The following NUP98 variants were observed in gnomAD, a reference collection of about 807,000 sequenced individuals.
The protein encoded by NUP98 is nucleoporin 98 and 96 precursor, also known as nuclear pore complex protein Nup98-Nup96.
In NUP98, 26 loss-of-function variants were observed where a neutral mutation model predicts 191.9. The observed-to-expected ratio is 0.14, with a 90% confidence interval of 0.10 to 0.19. The LOEUF (loss-of-function observed/expected upper bound fraction) is 0.19. NUP98 is among the 10% of genes least tolerant of loss of function. The probability of loss-of-function intolerance (pLI) is 1.00; values close to 1 mark genes in which losing one functional copy is unlikely to be tolerated. For synonymous variants in NUP98, 808 were observed against 778.4 expected, an observed-to-expected ratio of 1.04 and a Z score of -0.63; for missense variants, 1,941 against 2,178.8, an observed-to-expected ratio of 0.89 and a Z score of 2.17.
chr11:3,694,398 C>T (rs376830986), intron 26 of NUP98, among the ~76,000 whole-genome samples: 16 of 150,760 alleles, frequency 1.1e-4, no homozygotes, highest in Admixed American at 2.7e-4. Flanking sequence ...ACAAAAATAA[C>T]GCTTCATGAC....
intron 10 of NUP98, among the ~76,000 whole-genome samples, chr11:3,755,742 A>T (rs2080938174): frequency 6.6e-6 from 1 of 152,192 alleles, no homozygotes. Flanking sequence ...AGGCAGGTGG[A>T]TCACAAGGTC....
intron 22 of NUP98, among the ~76,000 whole-genome samples, chr11:3,704,219 C>CA (rs539971010): frequency 1.5e-3 from 221 of 152,230 alleles, no homozygotes; most frequent in South Asian, 2.3e-3. Context: ...TAAGGGAACT[C>CA]AAAAGAATTG....
At position 3,676,207 on chromosome 11, in the gene NUP98, G is replaced by A; in HGVS notation, c.5355C>T (p.Arg1785=). 1 of 1,614,190 alleles carries A rather than the reference G, an allele frequency of 6.2e-7. No individual in the cohort carries two copies. Among genetic ancestry groups the A allele is most frequent in the Non-Finnish European group, 8.5e-7 (1 of 1,180,038 alleles). ...CTCGCAGATAGGACTGGGTAAGGCT[G>A]CGCAGTTCGTCCATGGCATAGTCCT... is the stretch of plus-strand genomic sequence containing the variant. ...MPEDYAMDEL[R]SLTQSYLREL... is the part of the protein sequence containing the mutation. The change falls in exon 33 of 33, where the codon CGC becomes CGT. Residue 1785 remains arginine (R), a synonymous_variant. Coordinates refer to ENST00000324932, the MANE Select transcript of NUP98 (RefSeq NM_016320.5).
intron 14 of NUP98, among the ~76,000 whole-genome samples, chr11:3,728,640 G>A (rs1412941833): frequency 6.6e-6 from 1 of 152,158 alleles, no homozygotes; most frequent in Non-Finnish European, 1.5e-5. Context: ...TTGGGAGTCT[G>A]AAGCAGGAGA....
At chr11:3,691,312 C>A (rs1275616090) in intron 28 of NUP98, 35 bp downstream of exon 28, 1 of 1,613,224 alleles carries the variant, frequency 6.2e-7, no homozygotes. Flanking sequence ...GCTCATGGAG[C>A]ACTCAAGTGA....
chr11:3,727,035 T>C (rs1221849530), intron 14 of NUP98, among the ~76,000 whole-genome samples: 1 of 152,168 alleles, frequency 6.6e-6, no homozygotes, highest in East Asian at 1.9e-4. Context: ...AGTGCTGAGA[T>C]TACAGATGTG....
chr11:3,711,335 C>A (rs895836719), intron 20 of NUP98, among the ~76,000 whole-genome samples: 5 of 152,136 alleles, frequency 3.3e-5, no homozygotes, highest in African/African-American at 1.2e-4. Context: ...TTTCAAAGAG[C>A]TCTCACAAAC....
In NUP98 at chr11:3,720,755, T is replaced by C. The variant is rs2079358229; in HGVS notation, c.2217A>G (p.Glu739=). The change falls in exon 17 of 33, where the codon GAA becomes GAG. Residue 739 remains glutamate, a synonymous_variant. Transcript: ENST00000324932. ...SMDDLAKITN[E]KGECIVSDFT... Reference sequence around the variant, plus strand: ...AATCAGAGACAATGCACTCTCCTTTTTCATTGGTAATTTTAGCAAGGTCAT... The same window carrying C: ...AATCAGAGACAATGCACTCTCCTTTCTCATTGGTAATTTTAGCAAGGTCAT... 7 of 1,604,606 alleles carry C rather than the reference T, an allele frequency of 4.4e-6. No individual in the cohort carries two copies. Among genetic ancestry groups the C allele is most frequent in the Middle Eastern group, 1.7e-4 (1 of 6,042 alleles).
intron 10 of NUP98, among the ~76,000 whole-genome samples, chr11:3,757,651 T>A (rs1223425657): frequency 6.6e-6 from 1 of 150,990 alleles, no homozygotes; most frequent in Non-Finnish European, 1.5e-5. Context: ...ATACAAAAAT[T>A]AGCTGGGCGT....
At chr11:3,795,647 T>G (rs2082504178) in intron 1 of NUP98, among the ~76,000 whole-genome samples, 2 of 151,934 alleles carry the variant, frequency 1.3e-5, no homozygotes, top group Admixed American at 1.3e-4. Flanking sequence ...ACAACAAAGA[T>G]AAGATGAAAA....
chr11:3,796,814 T>TCA (rs2082631116), intron 1 of NUP98, among the ~76,000 whole-genome samples: 1 of 152,224 alleles, frequency 6.6e-6, no homozygotes, highest in East Asian at 1.9e-4. Flanking sequence ...TCCTTATGGC[T>TCA]ATAGTAATCC....
intron 4 of NUP98, among the ~76,000 whole-genome samples, chr11:3,776,905 G>C (rs758250999): frequency 6.6e-6 from 1 of 152,114 alleles, no homozygotes; most frequent in Non-Finnish European, 1.5e-5. Context: ...GGTCACACTT[G>C]GAAGACAACT....
intron 18 of NUP98, among the ~76,000 whole-genome samples, chr11:3,717,828 TATG>T (rs948259980): frequency 2.0e-5 from 3 of 151,956 alleles, no homozygotes; most frequent in East Asian, 1.9e-4. Context: ...TTTTCTGTAT[TATG>T]ATGATGATGA....
intron 4 of NUP98, among the ~76,000 whole-genome samples, chr11:3,778,217 A>AAG: frequency 6.6e-6 from 1 of 150,582 alleles, no homozygotes; most frequent in African/African-American, 2.5e-5. Flanking sequence ...AAAAAAAAAA[A>AAG]AAAGAAAGAA....
At chr11:3,747,485 T>G (rs1044190685) in intron 11 of NUP98, among the ~76,000 whole-genome samples, 1 of 152,156 alleles carries the variant, frequency 6.6e-6, no homozygotes, top group Non-Finnish European at 1.5e-5. Flanking sequence ...GATGTTAATA[T>G]CACTATAAAA....
chr11:3,729,904 A>C (rs551290959), intron 14 of NUP98, among the ~76,000 whole-genome samples: 1 of 151,984 alleles, frequency 6.6e-6, no homozygotes, highest in African/African-American at 2.4e-5. Context: ...TGACTGGACT[A>C]CTGTAAACCT....
intron 29 of NUP98, among the ~76,000 whole-genome samples, chr11:3,685,205 C>T (rs1257902842): frequency 6.7e-6 from 1 of 149,390 alleles, no homozygotes; most frequent in Non-Finnish European, 1.5e-5. Context: ...CTATCATTAA[C>T]AAAAATCTCC....
chr11:3,759,289 T>C (rs777435100), intron 10 of NUP98, among the ~76,000 whole-genome samples: 11 of 152,148 alleles, frequency 7.2e-5, no homozygotes, highest in Admixed American at 4.6e-4. Flanking sequence ...CATAATTAGG[T>C]AGTTATAAGA....
At chr11:3,708,710 A>C (rs1046242205) in intron 20 of NUP98, among the ~76,000 whole-genome samples, 17 of 151,966 alleles carry the variant, frequency 1.1e-4, no homozygotes, top group African/African-American at 3.4e-4. Context: ...CAGTCCTGAA[A>C]AAAAAGGTGT....
Sources: allele counts gnomAD v4.1 joint callset (sites outside exome capture counted in the v4.1 genomes callset), GRCh38; gene constraint gnomAD v4.1.1; transcripts MANE v1.5; gene names NCBI Gene and HGNC (gene_info 2026-07-23, HGNC 2026-07-21).